SMYD3: variants seen among roughly 807,000 people sequenced by gnomAD.
SMYD3 encodes histone-lysine N-methyltransferase SMYD3.
Under a neutral mutation model 57.7 loss-of-function variants are expected in SMYD3, and 36 were observed. The observed-to-expected ratio is 0.62, with a 90% CI of 0.48 to 0.82. The LOEUF (loss-of-function observed/expected upper bound fraction) is 0.82, where lower values mean the gene tolerates loss of function less well. SMYD3 is among the 40% of genes least tolerant of loss of function. The probability of loss-of-function intolerance (pLI) is 0.00; values close to 1 mark genes in which losing one functional copy is unlikely to be tolerated. For missense variants in SMYD3, 515 were observed against 538.8 expected, an observed-to-expected ratio of 0.96 and a Z score of 0.44; for synonymous variants, 211 against 195.0, an observed-to-expected ratio of 1.08 and a Z score of -0.68.
At chr1:246,346,536 G>A (rs1003967323) in intron 2 of SMYD3, among the ~76,000 whole-genome samples, 8 of 152,154 alleles carry the variant, frequency 5.3e-5, no homozygotes, top group Admixed American at 2.6e-4. Context: ...ACTTATAATC[G>A]TAGTGGAAGG....
intron 2 of SMYD3, 58 bp from the exon 3 acceptor site, chr1:246,335,532 C>A: frequency 7.2e-7 from 1 of 1,395,786 alleles, no homozygotes; most frequent in Admixed American, 1.7e-5. Flanking sequence ...TTCATTTATA[C>A]TGGTTTTGAA....
chr1:245,944,058 C>T (rs1389292795), intron 5 of SMYD3, among the ~76,000 whole-genome samples: 1 of 152,160 alleles, frequency 6.6e-6, no homozygotes, highest in Non-Finnish European at 1.5e-5. Flanking sequence ...AAGCTGGAAG[C>T]ATTCCTCTTG....
At chr1:245,973,208 T>C (rs1361290142) in intron 5 of SMYD3, among the ~76,000 whole-genome samples, 1 of 152,206 alleles carries the variant, frequency 6.6e-6, no homozygotes, top group African/African-American at 2.4e-5. Flanking sequence ...TTAAAGCACA[T>C]GCCCTATTGA....
intron 5 of SMYD3, among the ~76,000 whole-genome samples, chr1:246,249,924 G>A (rs572923898): frequency 6.6e-6 from 1 of 152,272 alleles, no homozygotes; most frequent in Admixed American, 6.5e-5. Context: ...AGCTCCCCCA[G>A]GTAGTCAAGT....
intron 5 of SMYD3, among the ~76,000 whole-genome samples, chr1:246,088,204 G>A (rs796153771): frequency 2.6e-5 from 4 of 151,994 alleles, no homozygotes; most frequent in African/African-American, 7.3e-5. Flanking sequence ...AGGTAAAAGC[G>A]CATCAAAACA....
chr1:246,231,707 G>A (rs1323228945), intron 5 of SMYD3, among the ~76,000 whole-genome samples: 2 of 152,100 alleles, frequency 1.3e-5, no homozygotes, highest in Non-Finnish European at 2.9e-5. Context: ...TCAGAAACAG[G>A]ACTTGATACA....
At chr1:245,818,797 A>C (rs1291494710) in intron 10 of SMYD3, among the ~76,000 whole-genome samples, 3 of 151,936 alleles carry the variant, frequency 2.0e-5, no homozygotes, top group African/African-American at 7.3e-5. Flanking sequence ...GAGACAAAGA[A>C]GGCCATTACA....
At chr1:246,246,191 G>C (rs2063700914) in intron 5 of SMYD3, among the ~76,000 whole-genome samples, 2 of 152,050 alleles carry the variant, frequency 1.3e-5, no homozygotes, top group African/African-American at 4.8e-5. Context: ...ATTCAATTAT[G>C]GTGGCTTTCT....
chr1:246,348,951 A>AG (rs1195401845), intron 2 of SMYD3, among the ~76,000 whole-genome samples: 9 of 152,122 alleles, frequency 5.9e-5, no homozygotes, highest in African/African-American at 1.9e-4. Flanking sequence ...AAGTACTGAG[A>AG]GAAAAAAAAA....
chr1:245,833,104 A>ATG (rs1270150836), intron 10 of SMYD3, among the ~76,000 whole-genome samples: 1 of 149,466 alleles, frequency 6.7e-6, no homozygotes, highest in African/African-American at 2.4e-5. Context: ...ATTCATAACA[A>ATG]TGTTTTTAAA....
At chr1:246,460,436 T>C (rs1445557165) in intron 1 of SMYD3, among the ~76,000 whole-genome samples, 3 of 152,262 alleles carry the variant, frequency 2.0e-5, no homozygotes, top group African/African-American at 7.2e-5. Context: ...AACTTTTTAA[T>C]ATTTGAAATA....
intron 5 of SMYD3, among the ~76,000 whole-genome samples, chr1:246,036,592 T>C (rs939414257): frequency 1.1e-4 from 16 of 151,736 alleles, no homozygotes; most frequent in East Asian, 5.8e-4. Context: ...CTCGCTTTGT[T>C]GCCCAGGCTG....
At position 245,987,289 on chromosome 1, in the gene SMYD3, T is replaced by C. The variant is rs549319241; in HGVS notation, c.532-57352A>G. Among the ~76,000 whole-genome samples, 3 of 152,322 alleles carry C rather than the reference T, an allele frequency of 2.0e-5. No homozygotes were observed. The East Asian group carries it at 5.8e-4, about 29-fold the overall frequency. On this transcript the variant is annotated intron_variant, in intron 5 of 11. Transcript: ENST00000490107. ...AGACGTTTAATACCCAGAGGATATC[T>C]GCACCCAGAGAAATGTCACACTCAG...
chr1:246,086,281 A>G (rs2060719788), intron 5 of SMYD3, among the ~76,000 whole-genome samples: 2 of 144,930 alleles, frequency 1.4e-5, no homozygotes, highest in Non-Finnish European at 3.0e-5. Flanking sequence ...TTCCGAAGCT[A>G]ACGCACTGTT....
At chr1:246,302,498 TG>T in intron 5 of SMYD3, among the ~76,000 whole-genome samples, 1 of 152,050 alleles carries the variant, frequency 6.6e-6, no homozygotes, top group Non-Finnish European at 1.5e-5. Context: ...GGAATTCAGG[TG>T]AAAAAAACTG....
chr1:245,897,155 C>T (rs900417511), intron 8 of SMYD3, among the ~76,000 whole-genome samples: 7 of 152,050 alleles, frequency 4.6e-5, no homozygotes, highest in African/African-American at 7.2e-5. Context: ...AACACAGAGA[C>T]GTGAAAAAGA....
At chr1:245,897,444 C>T (rs1385374447) in intron 8 of SMYD3, among the ~76,000 whole-genome samples, 1 of 152,120 alleles carries the variant, frequency 6.6e-6, no homozygotes, top group East Asian at 1.9e-4. Flanking sequence ...AGCCCATTTG[C>T]AAGAAATAAC....
chr1:246,376,245 G>T (rs1665035186), intron 1 of SMYD3, among the ~76,000 whole-genome samples: 1 of 151,948 alleles, frequency 6.6e-6, no homozygotes, highest in Non-Finnish European at 1.5e-5. Context: ...TGATAGAACC[G>T]ATCTTATGTT....
rs1163840918 is a variant in SMYD3, at chr1:246,350,836, C to T, written c.228+4195G>A. ...GTGGGAAAAGAAAAACTTCCGGCTC[C>T]AGACACCTGTGGAGGTCAAAAACTG... is the stretch of plus-strand genomic sequence containing the variant. On this transcript the variant is annotated intron_variant, in intron 2 of 11. Transcript: ENST00000490107. 2.0e-5 allele frequency among the ~76,000 whole-genome samples: 3 copies of T among 152,204 alleles called. No individual in the cohort carries two copies. The East Asian group carries it at 5.8e-4, about 29-fold the overall frequency.
Sources: gnomAD v4.1 joint callset for allele counts (sites outside exome capture counted in the v4.1 genomes callset) on GRCh38, gnomAD v4.1.1 for gene constraint, MANE v1.5 for transcripts, NCBI Gene and HGNC (gene_info 2026-07-23, HGNC 2026-07-21) for gene names.